MYH13: variants seen among roughly 807,000 people sequenced by gnomAD.
The protein encoded by MYH13 is myosin-13.
A neutral mutation model predicts 232.1 loss-of-function variants in MYH13; 177 were observed. The ratio of observed to expected loss-of-function variants is 0.76; its 90% CI spans 0.67 to 0.86. MYH13 has a LOEUF of 0.86. Ranked by LOEUF, MYH13 falls within the 40% of genes least tolerant of loss-of-function variation. The probability of loss-of-function intolerance (pLI) is 0.00; values close to 1 mark genes in which losing one functional copy is unlikely to be tolerated. For missense variants in MYH13, 2,246 were observed against 2,405.9 expected (o/e 0.93, Z 1.39); for synonymous variants, 884 against 923.5 (o/e 0.96, Z 0.78).
intron 15 of MYH13, 131 bp downstream of exon 15, chr17:10,345,071 A>T (rs1255932412): frequency 2.2e-6 from 3 of 1,377,942 alleles, no homozygotes; most frequent in Non-Finnish European, 3.0e-6. Context: ...GCAAATAGGC[A>T]TTCAGTTATC....
chr17:10,353,545 G>T lies in MYH13; in HGVS notation c.1005+1135C>A, dbSNP rs892312201. Among the ~76,000 whole-genome samples, 99 of 152,188 alleles carry T rather than the reference G, an allele frequency of 6.5e-4. 1 individual carries two copies. The highest frequency in any genetic ancestry group is 1.6e-4 in the Non-Finnish European group (11 of 67,990). ...TACTTTAATTAAAAATGTAAGCTCT[G>T]TAGTTAGGCAGACCTGTGTTTAAAT... On this transcript the variant is annotated intron_variant, in intron 11 of 40. Coordinates refer to ENST00000252172, the MANE Select transcript of MYH13 (RefSeq NM_003802.3).
rs1331637610 is a variant in MYH13 at position 10,327,939 on chromosome 17, C to T, written c.2618G>A (p.Arg873His). The change falls in exon 22 of 41, where the codon CGC becomes CAC. Residue 873 changes from arginine to histidine, a missense_variant. By Grantham distance (29) the Arg-to-His change is conservative. Coordinates refer to ENST00000252172, the MANE Select transcript of MYH13 (RefSeq NM_003802.3). ...TKEELARSEA[R>H]RKELEEKMVS... is the part of the protein sequence containing the mutation. ...CATTTTCTCCTCCAGCTCCTTCCGG[C>T]GAGCCTCAGATCGGGCCAGTTCTTC... 3.7e-6 allele frequency: 6 copies of T among 1,613,788 alleles called. No individual in the cohort carries two copies. Among genetic ancestry groups the T allele is most frequent in the South Asian group, 1.1e-5 (1 of 91,024 alleles).
At chr17:10,363,766 A>C (rs956214322) in intron 3 of MYH13, among the ~76,000 whole-genome samples, 3 of 152,374 alleles carry the variant, frequency 2.0e-5, no homozygotes, top group African/African-American at 7.2e-5. Context: ...TTTAATAACA[A>C]AAAATAAAAG....
At chr17:10,352,851 A>T (rs748136521) in intron 11 of MYH13, among the ~76,000 whole-genome samples, 2 of 152,248 alleles carry the variant, frequency 1.3e-5, no homozygotes, top group Non-Finnish European at 2.9e-5. Flanking sequence ...AACTGCCTCC[A>T]TACATAGCAA....
Position 10,344,029 on chromosome 17 carries a change from A to C in MYH13, c.1665T>G (p.Tyr555Ter). 6.2e-7 allele frequency: 1 copy of C among 1,614,234 alleles called. No individual in the cohort carries two copies. The highest frequency in any genetic ancestry group is 8.5e-7 in the Non-Finnish European group (1 of 1,180,052). Reference protein sequence around the residue: ...ATDTSFKNKLYDQHLGKSNNF... With the variant: ...ATDTSFKNKL ...TGTTGGATTTTCCAAGATGCTGGTC[A>C]TACAGCTTGTTCTTGAAGGAGGTGT... Residue 555 changes from tyrosine to a stop codon, truncating the protein, a stop_gained, in exon 16 of 41, where the codon TAT becomes TAG. Coordinates refer to ENST00000252172, the MANE Select transcript of MYH13 (RefSeq NM_003802.3). LOFTEE classifies it high-confidence loss of function.
Position 10,311,228 on chromosome 17 carries a change from C to G in MYH13, c.4532-1G>C. 1 of 1,613,986 alleles carries G rather than the reference C, an allele frequency of 6.2e-7. No homozygotes were observed. The highest frequency in any genetic ancestry group is 1.3e-5 in the African/African-American group (1 of 75,062). On this transcript the variant is annotated splice_acceptor_variant, in intron 32 of 40. Transcript: ENST00000252172. LOFTEE classifies it high-confidence loss of function. The stretch of plus-strand genomic sequence containing the variant: ...TGCTCAGTTAAGTCGGAAATCTCTT[C>G]TGCAAAGGACAGGCTTGATTTAGGC...
chr17:10,315,719 T>G lies in MYH13; in HGVS notation c.3958A>C (p.Lys1320Gln). Reference sequence around the variant, plus strand: ...TTGGTTTCTTCTTCCATTTGCCTCTTAAGCTCCTCCAGCTGCTGGGTGAGG... The same window carrying G: ...TTGGTTTCTTCTTCCATTTGCCTCTGAAGCTCCTCCAGCTGCTGGGTGAGG... Reference protein sequence around the residue: ...QALTQQLEELKRQMEEETKAK... With the variant: ...QALTQQLEELQRQMEEETKAK... The change falls in exon 29 of 41, where the codon AAG becomes CAG. Residue 1320 changes from lysine to glutamine, a missense_variant. Transcript: ENST00000252172. 1 of 1,614,014 alleles carries G rather than the reference T, an allele frequency of 6.2e-7. No homozygotes were observed. The highest frequency in any genetic ancestry group is 8.5e-7 in the Non-Finnish European group (1 of 1,179,892).
chr17:10,332,989 C>T, intron 19 of MYH13, 85 bp downstream of exon 19: 1 of 1,124,040 alleles, frequency 8.9e-7, no homozygotes, highest in Non-Finnish European at 1.3e-6. Context: ...GGGAGCTCAC[C>T]AAATACCCAG....
rs1371696911 is a variant in MYH13 at position 10,306,587 on chromosome 17, T to C, written c.5338A>G (p.Ser1780Gly). The stretch of plus-strand genomic sequence containing the variant: ...TTCTTCATCCGCTCCAGGTGGGCGC[T>C]GGTGTCCTGTTCCTTCTTTAGCTCC... ...AEELKKEQDT[S>G]AHLERMKKNL... The change falls in exon 37 of 41, where the codon AGC (serine) becomes GGC (glycine). Residue 1780 changes from serine to glycine, a missense_variant. Physicochemically the swap from Ser to Gly is moderately conservative, Grantham distance 56. Coordinates refer to ENST00000252172, the MANE Select transcript of MYH13 (RefSeq NM_003802.3). This position sits in a 1 kb window ranked among gnomAD's most constrained non-coding sequence, Gnocchi z 4.3. 1.2e-6 allele frequency: 2 copies of C among 1,614,174 alleles called. No homozygotes were observed. The highest frequency in any genetic ancestry group is 1.7e-6 in the Non-Finnish European group (2 of 1,180,038).
intron 18 of MYH13, among the ~76,000 whole-genome samples, chr17:10,336,043 C>T (rs996446091): frequency 1.3e-5 from 2 of 152,072 alleles, no homozygotes; most frequent in Non-Finnish European, 2.9e-5. Context: ...TTCTAATTCC[C>T]GCAGAGGCAT....
chr17:10,346,842 G>A (rs56191439), intron 12 of MYH13, 44 bp from the exon 13 acceptor site: 124,064 of 1,435,450 alleles, frequency 0.086, 6,219 homozygotes, highest in Non-Finnish European at 0.1. Flanking sequence ...AACAGTAGCT[G>A]CTAAAGTGTC....
intron 18 of MYH13, among the ~76,000 whole-genome samples, chr17:10,335,841 G>A (rs550690060): frequency 1.3e-5 from 2 of 152,250 alleles, no homozygotes; most frequent in East Asian, 3.9e-4. Flanking sequence ...TAACCATGTG[G>A]CTGAGGCCTC....
chr17:10,362,088 C>T, intron 5 of MYH13, 30 bp downstream of exon 5: 1 of 1,613,276 alleles, frequency 6.2e-7, no homozygotes, highest in East Asian at 2.2e-5. Flanking sequence ...AGGATGGCTT[C>T]AAAAAATATG....
intron 8 of MYH13, 57 bp downstream of exon 8, chr17:10,357,678 C>T: frequency 6.6e-7 from 1 of 1,516,210 alleles, no homozygotes; most frequent in Non-Finnish European, 9.1e-7. Flanking sequence ...TCATATCCAG[C>T]ATTTCAGGAG....
intron 30 of MYH13, 49 bp from the exon 31 acceptor site, chr17:10,312,806 C>G: frequency 6.4e-7 from 1 of 1,551,470 alleles, no homozygotes; most frequent in Middle Eastern, 1.7e-4. Flanking sequence ...TGGAATATTT[C>G]AGTAGGTAAC....
chr17:10,340,507 T>G (rs1355856509), intron 16 of MYH13, 106 bp from the exon 17 acceptor site: 12 of 820,920 alleles, frequency 1.5e-5, no homozygotes, highest in Non-Finnish European at 2.3e-5. Flanking sequence ...CCTTTTGACA[T>G]AAGAGACTTG....
At chr17:10,340,451 C>G (rs1445331975) in intron 16 of MYH13, 50 bp from the exon 17 acceptor site, 1 of 1,473,388 alleles carries the variant, frequency 6.8e-7, no homozygotes, top group Non-Finnish European at 9.3e-7. Context: ...GAGGACCCAG[C>G]AGTGGGCTTC....
At position 10,306,575 on chromosome 17, in the gene MYH13, C is replaced by G. The variant is rs1906293834; in HGVS notation, c.5350G>C (p.Glu1784Gln). The change falls in exon 37 of 41, where the codon GAG becomes CAG. Residue 1784 changes from glutamate to glutamine, a missense_variant. Transcript: ENST00000252172. This position sits in a 1 kb window ranked among gnomAD's most constrained non-coding sequence, Gnocchi z 4.3. ...KKEQDTSAHLERMKKNLEQTV... is the reference protein window; with the variant it reads ...KKEQDTSAHLQRMKKNLEQTV... ...TGCTCCAGGTTCTTCTTCATCCGCT[C>G]CAGGTGGGCGCTGGTGTCCTGTTCC... The G allele has an allele frequency of 1.2e-6, 2 of 1,614,034 alleles. No homozygotes were observed. Among genetic ancestry groups the G allele is most frequent in the Non-Finnish European group, 8.5e-7 (1 of 1,180,046 alleles).
Position 10,333,181 on chromosome 17 carries a change from G to A in MYH13, c.2067C>T (p.Asp689=), listed in dbSNP as rs376305946. The change falls in exon 19 of 41, where the codon GAC becomes GAT. Residue 689 remains aspartate, a synonymous_variant. Transcript: ENST00000252172. ...GCAGCTGGTGCATGACCAAGTAGTG[G>A]TCCATCACACCTGGAGAGAGAACGT... is the stretch of plus-strand genomic sequence containing the variant. ...PNETKTPGVM[D]HYLVMHQLRC... The A allele has an allele frequency of 6.5e-7, 1 of 1,549,080 alleles. No homozygotes were observed. The highest frequency in any genetic ancestry group is 1.4e-5 in the African/African-American group (1 of 73,144).
Sources: allele counts gnomAD v4.1 joint callset (sites outside exome capture counted in the v4.1 genomes callset), GRCh38; gene constraint gnomAD v4.1.1; non-coding constraint Gnocchi (gnomAD v3.1); transcripts MANE v1.5; gene names NCBI Gene and HGNC (gene_info 2026-07-23, HGNC 2026-07-21).